CDHR2: variants seen among roughly 807,000 people sequenced by gnomAD.
The protein encoded by CDHR2 is cadherin-related family member 2.
Under a neutral mutation model 138.6 loss-of-function variants are expected in CDHR2, and 104 were observed. That is an observed-to-expected ratio of 0.75 (90% CI 0.64 to 0.88). The LOEUF (loss-of-function observed/expected upper bound fraction) is 0.88, where lower values mean the gene tolerates loss of function less well. CDHR2 is among the 40% of genes least tolerant of loss of function. CDHR2 has a pLI of 0.00. For missense variants in CDHR2, 1,624 were observed against 1,727.6 expected (o/e 0.94, Z 1.06); for synonymous variants, 755 against 742.8 (o/e 1.02, Z -0.27).
Position 176,561,980 on chromosome 5 carries a change from G to A in CDHR2, c.-15-3358G>A, listed in dbSNP as rs199727678. On this transcript the variant is annotated intron_variant, in intron 1 of 31. Transcript: ENST00000261944. ...AAAAATGAAGAGAGTGCATCAGCCA[G>A]CAAGGCGGGGAAGAGCATTCCAAAA... Among the ~76,000 whole-genome samples, 10 of 152,284 alleles carry A rather than the reference G, an allele frequency of 6.6e-5. No individual in the cohort carries two copies. In the East Asian group the frequency reaches 1.7e-3, roughly 26 times the overall value.
rs1758335678 is a variant in CDHR2, at chr5:176,575,133, A to G, written c.545A>G (p.Asn182Ser). The G allele has an allele frequency of 6.2e-7, 1 of 1,614,028 alleles. No homozygotes were observed. The highest frequency in any genetic ancestry group is 1.3e-5 in the African/African-American group (1 of 74,930). ...GAGCATCTCTTCCGGATCCTGGCCA[A>G]TGGCTCCATAGTCCTCAATGGCAGC... is the stretch of plus-strand genomic sequence containing the variant. ...DSEHLFRILA[N>S]GSIVLNGSLS... Residue 182 changes from asparagine (N) to serine (S), a missense_variant, in exon 8 of 32, where the codon AAT (asparagine) becomes AGT (serine). Coordinates refer to ENST00000261944, the MANE Select transcript of CDHR2 (RefSeq NM_017675.6).
Position 176,595,656 on chromosome 5 carries a change from ACAC to A in CDHR2, c.3921_3923del (p.Thr1308del). The A allele has an allele frequency of 6.2e-7, 1 of 1,602,262 alleles. No homozygotes were observed. The highest frequency in any genetic ancestry group is 8.5e-7 in the Non-Finnish European group (1 of 1,173,792). On this transcript the variant is annotated inframe_deletion, in exon 32 of 32. Coordinates refer to ENST00000261944, the MANE Select transcript of CDHR2 (RefSeq NM_017675.6). Reference sequence around the variant, plus strand: ...CCATCCTACACCAACGCTGGCCTGGACACCACGGACCTGTGACAGGGGCCCCCA... The same window carrying A: ...CCATCCTACACCAACGCTGGCCTGGACACGGACCTGTGACAGGGGCCCCCA...
rs1429522139 is a variant in CDHR2, at chr5:176,578,481, G to A, written c.1691G>A (p.Gly564Glu). The A allele has an allele frequency of 3.1e-6, 5 of 1,613,898 alleles. No homozygotes were observed. Among genetic ancestry groups the A allele is most frequent in the Non-Finnish European group, 4.2e-6 (5 of 1,179,874 alleles). ...CTGACGCTGCAGGCCACAGACGGCG[G>A]GAACCTGTCCTCCTCCACCACACTG... ...YYLTLQATDG[G>E]NLSSSTTLQI... The change falls in exon 16 of 32, where the codon GGG becomes GAG. Residue 564 changes from glycine to glutamate, a missense_variant. This residue lies in a region of CDHR2 where 1,061 missense variants were observed against 1,136.6 expected (regional missense o/e 0.93). Coordinates refer to ENST00000261944, the MANE Select transcript of CDHR2 (RefSeq NM_017675.6).
At position 176,576,118 on chromosome 5, in the gene CDHR2, T is replaced by C. The variant is rs570800542; in HGVS notation, c.1127T>C (p.Val376Ala). ...EEAQVNFTGY[V>A]DEHASPRIPI... ...GCCCAAGTGAACTTCACTGGCTACG[T>C]GGACGAGCATGCCTCCCCCCGCATC... The change falls in exon 12 of 32, where the codon GTG becomes GCG. Residue 376 changes from valine (V) to alanine (A), a missense_variant. Physicochemically the swap from Val to Ala is moderately conservative, Grantham distance 64 (BLOSUM62 0). Transcript: ENST00000261944. This position sits in a 1 kb window ranked among gnomAD's most constrained non-coding sequence, Gnocchi z 4.5. 7 of 1,613,942 alleles carry C rather than the reference T, an allele frequency of 4.3e-6. No homozygotes were observed. Among genetic ancestry groups the C allele is most frequent in the Non-Finnish European group, 5.9e-6 (7 of 1,180,036 alleles).
Position 176,589,315 on chromosome 5 carries a change from T to C in CDHR2, c.3009-15T>C. ...TTGGGTTCCAAGACTGACCTGCGCC[T>C]CCCGCCTTCCGCAGGCCGGTGACCA... On this transcript the variant is annotated splice_polypyrimidine_tract_variant and intron_variant, in intron 22 of 31. Coordinates refer to ENST00000261944, the MANE Select transcript of CDHR2 (RefSeq NM_017675.6). 6.4e-7 allele frequency: 1 copy of C among 1,555,102 alleles called. No individual in the cohort carries two copies. The highest frequency in any genetic ancestry group is 1.4e-5 in the African/African-American group (1 of 73,520).
Position 176,589,719 on chromosome 5 carries a change from C to G in CDHR2, c.3206+103C>G, listed in dbSNP as rs1758795424. The G allele has an allele frequency of 3.1e-6, 3 of 962,534 alleles. No homozygotes were observed. In the South Asian group the frequency reaches 4.2e-5, roughly 14 times the overall value. The allele number at this position is 962,534 out of a possible 1,614,324, so 59.6% of individuals were successfully genotyped here. Reference sequence around the variant, plus strand: ...GATGTCTCTCAATCCTGTTCCTGACCCACATTTGACCTTGTCCCTGTCTTC... The same window carrying G: ...GATGTCTCTCAATCCTGTTCCTGACGCACATTTGACCTTGTCCCTGTCTTC... On this transcript the variant is annotated intron_variant, in intron 24 of 31. Coordinates refer to ENST00000261944, the MANE Select transcript of CDHR2 (RefSeq NM_017675.6).
chr5:176,566,256 C>T (rs1023931278), intron 3 of CDHR2, among the ~76,000 whole-genome samples: 2 of 152,184 alleles, frequency 1.3e-5, no homozygotes, highest in African/African-American at 4.8e-5. Context: ...AATGTCTTTA[C>T]ATGAGATGGA....
At chr5:176,593,363 C>G (rs1036848190) in intron 31 of CDHR2, among the ~76,000 whole-genome samples, 1 of 152,232 alleles carries the variant, frequency 6.6e-6, no homozygotes, top group Admixed American at 6.5e-5. Flanking sequence ...AACATTCTAG[C>G]ATTTTAAAGA....
chr5:176,567,172 CT>C (rs11392917), intron 3 of CDHR2: 4,970 of 290,942 alleles, frequency 0.017, 2 homozygotes, highest in South Asian at 0.025. Flanking sequence ...GTGCACAGGA[CT>C]TTTTTTTTTT....
At chr5:176,581,954 T>C (rs1189322269) in intron 17 of CDHR2, among the ~76,000 whole-genome samples, 1 of 152,220 alleles carries the variant, frequency 6.6e-6, no homozygotes, top group Non-Finnish European at 1.5e-5. Context: ...TGCTGGTGTC[T>C]ATTGCACATC....
At position 176,595,789 on chromosome 5, in the gene CDHR2, C is replaced by T. The variant is rs562666087; in HGVS notation, c.*117C>T. ...CCTGCCTCCTGCTTTTGGCCAATCACGGCAGACAGGGGTTGGGGAAATATT... is the reference window on the plus strand; with the variant it reads ...CCTGCCTCCTGCTTTTGGCCAATCATGGCAGACAGGGGTTGGGGAAATATT... On this transcript the variant is annotated 3_prime_UTR_variant, in exon 32 of 32. Transcript: ENST00000261944. 5.2e-5 allele frequency: 53 copies of T among 1,017,746 alleles called. No individual in the cohort carries two copies. Among genetic ancestry groups the T allele is most frequent in the South Asian group, 2.9e-4 (14 of 48,508 alleles). 63.0% of individuals were successfully genotyped at this position (1,017,746 alleles called of 1,614,324 possible).
upstream of CDHR2, among the ~76,000 whole-genome samples, chr5:176,544,723 C>T (rs925985023): frequency 6.6e-6 from 1 of 152,218 alleles, no homozygotes; most frequent in Non-Finnish European, 1.5e-5. Flanking sequence ...CAGGCGTGAG[C>T]TACCGCGCCC....
intron 3 of CDHR2, 128 bp downstream of exon 3, chr5:176,565,871 G>A (rs1581135588): frequency 4.4e-6 from 3 of 681,982 alleles, no homozygotes; most frequent in Admixed American, 5.5e-5. Flanking sequence ...GGGACTGAAG[G>A]GAGCTCCTTT....
intron 30 of CDHR2, among the ~76,000 whole-genome samples, chr5:176,592,431 G>GTGA (rs1758904251): frequency 1.4e-5 from 1 of 69,778 alleles, no homozygotes; most frequent in Non-Finnish European, 4.5e-5. Flanking sequence ...GATGGTGATG[G>GTGA]TGGTGATGAT....
At chr5:176,589,821 T>C (rs11134983) in intron 24 of CDHR2, among the ~76,000 whole-genome samples, 97,504 of 152,096 alleles carry the variant, frequency 0.64, 31,979 homozygotes, top group Non-Finnish European at 0.72. Context: ...GAGGGAAGCC[T>C]TGGAACAAGG....
At chr5:176,586,435 A>C (rs771629231) in intron 20 of CDHR2, among the ~76,000 whole-genome samples, 4 of 152,206 alleles carry the variant, frequency 2.6e-5, no homozygotes, top group African/African-American at 4.8e-5. Context: ...GCCTCAAGTG[A>C]TCTGCTCGCC....
upstream of CDHR2, chr5:176,547,779 C>T (rs1757617883): frequency 6.6e-6 from 1 of 152,246 alleles, no homozygotes. Context: ...CCTTATTTTT[C>T]TCACTTGACT....
At chr5:176,595,405 G>A in intron 31 of CDHR2, 127 bp from the exon 32 acceptor site, 1 of 1,050,160 alleles carries the variant, frequency 9.5e-7, no homozygotes, top group Non-Finnish European at 1.3e-6. Flanking sequence ...GGCCCCAGGA[G>A]GGGCAGGGTG....
chr5:176,588,517 A>ATG (rs749668020), intron 21 of CDHR2, among the ~76,000 whole-genome samples: 3 of 120,622 alleles, frequency 2.5e-5, no homozygotes, highest in African/African-American at 6.6e-5. Flanking sequence ...GAGTGTGTGC[A>ATG]TGTGTGTGAG....
Sources: allele counts gnomAD v4.1 joint callset (sites outside exome capture counted in the v4.1 genomes callset), GRCh38; gene constraint gnomAD v4.1.1; regional missense constraint gnomAD v4.1.1; non-coding constraint Gnocchi (gnomAD v3.1); transcripts MANE v1.5; gene names NCBI Gene and HGNC (gene_info 2026-07-23, HGNC 2026-07-21).